The following DPP10 variants were observed in gnomAD, a reference collection of about 807,000 sequenced individuals.
DPP10 encodes the protein inactive dipeptidyl peptidase 10.
Under a neutral mutation model 120.9 loss-of-function variants are expected in DPP10, and 33 were observed. The observed-to-expected ratio is 0.27, with a 90% CI of 0.21 to 0.37. The LOEUF (loss-of-function observed/expected upper bound fraction) is 0.37. DPP10 is among the 10% of genes least tolerant of loss of function. The pLI is 1.00. For synonymous variants in DPP10, 337 were observed against 326.1 expected (o/e 1.03, Z -0.36); for missense variants, 816 against 942.8 (o/e 0.87, Z 1.76).
At chr2:115,485,065 A>G (rs1411650410) in intron 3 of DPP10, among the ~76,000 whole-genome samples, 1 of 152,116 alleles carries the variant, frequency 6.6e-6, no homozygotes, top group Non-Finnish European at 1.5e-5. Context: ...GCAAGACTCC[A>G]TCTCAAAAAC....
intron 19 of DPP10, among the ~76,000 whole-genome samples, chr2:115,801,435 C>T (rs558837749): frequency 3.9e-4 from 60 of 152,210 alleles, no homozygotes; most frequent in African/African-American, 1.3e-3. Context: ...ATTCCTTTGT[C>T]GTGCCTGATT....
chr2:115,414,141 A>G (rs546204839), intron 3 of DPP10, among the ~76,000 whole-genome samples: 120 of 152,276 alleles, frequency 7.9e-4, no homozygotes, highest in African/African-American at 2.7e-3. Context: ...TGTAATTTCT[A>G]TCCCCCAAAT....
chr2:115,628,168 C>A lies in DPP10; in HGVS notation c.442-61519C>A, dbSNP rs557909380. On this transcript the variant is annotated intron_variant, in intron 5 of 25. Coordinates refer to ENST00000410059, the MANE Select transcript of DPP10 (RefSeq NM_020868.6). ...TAAAAGCATTCCTATCTCTCCACAG[C>A]TTCACCAGCTCTGTTCTTTCTTAAA... 7.0e-4 allele frequency among the ~76,000 whole-genome samples: 106 copies of A among 152,272 alleles called. 5 individuals are homozygous for A. Among genetic ancestry groups the A allele is most frequent in the Non-Finnish European group, 1.6e-4 (11 of 68,020 alleles).
chr2:115,575,803 A>G lies in DPP10; in HGVS notation c.441+49831A>G, dbSNP rs114170721. Among the ~76,000 whole-genome samples, 631 of 152,296 alleles carry G rather than the reference A, an allele frequency of 4.1e-3. 3 individuals are homozygous for G. Among genetic ancestry groups the G allele is most frequent in the African/African-American group, 0.014 (594 of 41,566 alleles). ...CTAATGTAATCATATGGACCCTTAA[A>G]GGCATAAGAGGAAGAAGAAAAGCCA... On this transcript the variant is annotated intron_variant, in intron 5 of 25. Transcript: ENST00000410059.
chr2:115,705,278 G>C (rs1006208395), intron 7 of DPP10, among the ~76,000 whole-genome samples: 3 of 151,856 alleles, frequency 2.0e-5, no homozygotes, highest in Middle Eastern at 3.2e-3. Context: ...AAGTCAATGA[G>C]ATTTTGCTTC....
chr2:115,642,931 G>A (rs1477771506), intron 5 of DPP10, among the ~76,000 whole-genome samples: 1 of 151,930 alleles, frequency 6.6e-6, no homozygotes. Context: ...CTGTCCAAAT[G>A]TTTATTTGGC....
At chr2:115,038,434 C>G (rs1314818484) in intron 1 of DPP10, among the ~76,000 whole-genome samples, 1 of 151,816 alleles carries the variant, frequency 6.6e-6, no homozygotes, top group Non-Finnish European at 1.5e-5. Context: ...CCACGCCCGG[C>G]TAATGTTTTT....
intron 7 of DPP10, among the ~76,000 whole-genome samples, chr2:115,714,477 A>G (rs2092424626): frequency 6.6e-6 from 1 of 152,230 alleles, no homozygotes; most frequent in Non-Finnish European, 1.5e-5. Flanking sequence ...CAGAATAATC[A>G]AAGTAAACAG....
intron 1 of DPP10, among the ~76,000 whole-genome samples, chr2:114,498,207 T>C (rs1188634317): frequency 1.3e-5 from 2 of 152,234 alleles, no homozygotes; most frequent in Non-Finnish European, 2.9e-5. Context: ...TTTTGAAATG[T>C]GCAACACATT....
chr2:115,692,222 T>A (rs74268121), intron 7 of DPP10, among the ~76,000 whole-genome samples: 1 of 146,720 alleles, frequency 6.8e-6, no homozygotes, highest in Non-Finnish European at 1.5e-5. Flanking sequence ...ATTTTTTTTT[T>A]AGTTAGTTTT....
At chr2:115,694,633 A>G (rs935962824) in intron 7 of DPP10, among the ~76,000 whole-genome samples, 26 of 152,214 alleles carry the variant, frequency 1.7e-4, no homozygotes, top group Non-Finnish European at 2.6e-4. Context: ...TCTGGGAATT[A>G]TGGTAGAAAG....
intron 1 of DPP10, among the ~76,000 whole-genome samples, chr2:114,472,629 C>T (rs1680017503): frequency 6.6e-6 from 1 of 152,160 alleles, no homozygotes; most frequent in African/African-American, 2.4e-5. Flanking sequence ...TCTCAGGGGA[C>T]TCACAGTCAG....
At chr2:115,149,088 A>T (rs2051391071) in intron 1 of DPP10, among the ~76,000 whole-genome samples, 1 of 152,106 alleles carries the variant, frequency 6.6e-6, no homozygotes, top group Non-Finnish European at 1.5e-5. Flanking sequence ...GAGTATATTG[A>T]TATACTCATG....
intron 1 of DPP10, among the ~76,000 whole-genome samples, chr2:114,958,841 T>C (rs921447367): frequency 1.6e-4 from 24 of 152,176 alleles, no homozygotes; most frequent in Admixed American, 1.0e-3. Context: ...GATTTTTCTG[T>C]TTTACAAATT....
intron 5 of DPP10, 29 bp downstream of exon 5, chr2:115,526,001 T>C: frequency 1.3e-6 from 2 of 1,570,898 alleles, no homozygotes; most frequent in African/African-American, 1.4e-5. Context: ...TTGAGAATAC[T>C]TTTCTTTGTG....
chr2:114,569,800 T>A (rs1312842767), intron 1 of DPP10, among the ~76,000 whole-genome samples: 1 of 152,088 alleles, frequency 6.6e-6, no homozygotes, highest in Non-Finnish European at 1.5e-5. Context: ...TAATTTAAAC[T>A]AGAGTGATAA....
intron 1 of DPP10, among the ~76,000 whole-genome samples, chr2:115,272,787 T>C (rs1307510233): frequency 6.6e-6 from 1 of 152,230 alleles, no homozygotes; most frequent in African/African-American, 2.4e-5. Context: ...ATTGGTGCTC[T>C]TTTTCTGCGG....
chr2:115,369,375 T>G (rs2065262108), intron 3 of DPP10, among the ~76,000 whole-genome samples: 1 of 152,100 alleles, frequency 6.6e-6, no homozygotes, highest in African/African-American at 2.4e-5. Context: ...TATGTATAAT[T>G]AAATAGTTTT....
chr2:114,995,934 T>A (rs987725302), intron 1 of DPP10, among the ~76,000 whole-genome samples: 6 of 152,224 alleles, frequency 3.9e-5, no homozygotes, highest in Non-Finnish European at 7.4e-5. Context: ...AAGACAGTTT[T>A]CACTTTTGTA....
Sources: gnomAD v4.1 joint callset for allele counts (sites outside exome capture counted in the v4.1 genomes callset) on GRCh38, gnomAD v4.1.1 for gene constraint, MANE v1.5 for transcripts, NCBI Gene and HGNC (gene_info 2026-07-23, HGNC 2026-07-21) for gene names.